DCAF5: variants seen among roughly 807,000 people sequenced by gnomAD.
The protein encoded by DCAF5 is DDB1- and CUL4-associated factor 5.
Under a neutral mutation model 80.7 loss-of-function variants are expected in DCAF5, and 9 were observed. The ratio of observed to expected loss-of-function variants is 0.11; its 90% CI spans 0.07 to 0.19. The LOEUF (loss-of-function observed/expected upper bound fraction) is 0.19, where lower values mean the gene tolerates loss of function less well. Among genes scored for constraint, DCAF5 ranks in the 10% least tolerant of loss-of-function variants. DCAF5 has a pLI of 1.00. For missense variants in DCAF5, 842 were observed against 1,205.7 expected (o/e 0.70, Z 4.47); for synonymous variants, 433 against 461.9 (o/e 0.94, Z 0.80).
At chr14:69,123,620 C>T (rs970671482) in intron 1 of DCAF5, among the ~76,000 whole-genome samples, 1 of 152,180 alleles carries the variant, frequency 6.6e-6, no homozygotes, top group Non-Finnish European at 1.5e-5. Context: ...CCATTATTCA[C>T]CTTCAGAAAT....
In DCAF5 at chr14:69,119,291, A is replaced by G. The variant is rs1206661973; in HGVS notation, c.359-61T>C. ...GCAAGGTGGTCCCTGTCCACATTAC[A>G]ATTTAGTATTTTTAAGTTTTCAGGG... is the stretch of plus-strand genomic sequence containing the variant. On this transcript the variant is annotated intron_variant, in intron 2 of 8. Transcript: ENST00000341516. The G allele has an allele frequency of 5.1e-6, 8 of 1,556,896 alleles. No individual in the cohort carries two copies. In the Admixed American group the frequency reaches 1.6e-4, roughly 31 times the overall value.
intron 2 of DCAF5, among the ~76,000 whole-genome samples, chr14:69,121,595 A>C (rs1439386622): frequency 7.2e-5 from 11 of 152,236 alleles, no homozygotes; most frequent in Admixed American, 1.3e-4. Context: ...GGGAGGACTA[A>C]TGATCTTGGT....
intron 7 of DCAF5, among the ~76,000 whole-genome samples, chr14:69,068,413 C>G (rs1202566689): frequency 6.6e-6 from 1 of 152,046 alleles, no homozygotes; most frequent in Non-Finnish European, 1.5e-5. Flanking sequence ...GAGTTTACTG[C>G]AAGGGCCAGA....
intron 7 of DCAF5, among the ~76,000 whole-genome samples, chr14:69,066,888 T>C (rs1369552635): frequency 6.6e-6 from 1 of 152,258 alleles, no homozygotes; most frequent in Non-Finnish European, 1.5e-5. Flanking sequence ...ATTTGCTTCA[T>C]GAAGTCCTCC....
At chr14:69,062,354 C>T in intron 8 of DCAF5, 30 bp downstream of exon 8, 2 of 1,606,714 alleles carry the variant, frequency 1.2e-6, no homozygotes, top group Non-Finnish European at 1.7e-6. Flanking sequence ...GAGAATTTCT[C>T]TAAAAGGACA....
In DCAF5 at chr14:69,141,401, C is replaced by T. The variant is rs185967980; in HGVS notation, c.214+11364G>A. Among the ~76,000 whole-genome samples the T allele has an allele frequency of 4.3e-3, 660 of 151,956 alleles. 5 individuals are homozygous for T. The highest frequency in any genetic ancestry group is 0.028 in the South Asian group (135 of 4,812). On this transcript the variant is annotated intron_variant, in intron 1 of 8. Transcript: ENST00000341516. ...TAAGTTCTAGGGTACATGTGCACAACGTGCAGGTTTGTTACATATGTATAC... is the reference window on the plus strand; with the variant it reads ...TAAGTTCTAGGGTACATGTGCACAATGTGCAGGTTTGTTACATATGTATAC...
At chr14:69,139,251 C>T (rs1281895248) in intron 1 of DCAF5, among the ~76,000 whole-genome samples, 1 of 151,646 alleles carries the variant, frequency 6.6e-6, no homozygotes. Flanking sequence ...CTTTGGGAGG[C>T]AGGGTGGGAA....
chr14:69,053,516 C>T lies in DCAF5; in HGVS notation c.*341G>A, dbSNP rs143936824. 1 of 222,426 alleles carries T rather than the reference C, an allele frequency of 4.5e-6. No homozygotes were observed. Among genetic ancestry groups the T allele is most frequent in the African/African-American group, 2.3e-5 (1 of 43,188 alleles). The allele number at this position is 222,426 out of a possible 1,614,324, so 13.8% of individuals were successfully genotyped here. The stretch of plus-strand genomic sequence containing the variant: ...GGAAGGTCTTATGAGACAATAAGCG[C>T]ACACGTGCCATTGTGCGTACACAAG... On this transcript the variant is annotated 3_prime_UTR_variant, in exon 9 of 9. Coordinates refer to ENST00000341516, the MANE Select transcript of DCAF5 (RefSeq NM_003861.3).
Position 69,055,068 on chromosome 14 carries a change from C to A in DCAF5, c.1618G>T (p.Val540Leu). 6.2e-7 allele frequency: 1 copy of A among 1,614,216 alleles called. No homozygotes were observed. The highest frequency in any genetic ancestry group is 8.5e-7 in the Non-Finnish European group (1 of 1,180,038). Residue 540 changes from valine (V) to leucine (L), a missense_variant, in exon 9 of 9, where the codon GTG (valine) becomes TTG (leucine). Physicochemically the swap from Val to Leu is conservative, Grantham distance 32. Coordinates refer to ENST00000341516, the MANE Select transcript of DCAF5 (RefSeq NM_003861.3). The surrounding 1 kb of genome is among the most constrained non-coding windows in gnomAD (Gnocchi z 5.6). ...ESDSEENVCE[V>L]ELDTDLFPRP... ...GGAAAGAGATCTGTGTCTAGTTCCACCTCACAGACATTCTCCTCAGAATCG... is the reference window on the plus strand; with the variant it reads ...GGAAAGAGATCTGTGTCTAGTTCCAACTCACAGACATTCTCCTCAGAATCG...
chr14:69,130,408 T>C (rs1321174075), intron 1 of DCAF5, among the ~76,000 whole-genome samples: 1 of 152,186 alleles, frequency 6.6e-6, no homozygotes, highest in Non-Finnish European at 1.5e-5. Flanking sequence ...AGAATGGCAG[T>C]GGCCAGGGGC....
rs1288135395 is a variant in DCAF5, at chr14:69,153,118, G to GT, written c.-141dup. On this transcript the variant is annotated 5_prime_UTR_variant, in exon 1 of 9. Transcript: ENST00000341516. ...CCAGCCATGGCAGGCAGAGCGAGGT[G>GT]TGCAGACACTCGGCGGCGTTCGCGG... 1 of 599,496 alleles carries GT rather than the reference G, an allele frequency of 1.7e-6. No homozygotes were observed. Among genetic ancestry groups the GT allele is most frequent in the Admixed American group, 4.3e-5 (1 of 23,074 alleles). 37.1% of individuals were successfully genotyped at this position (599,496 alleles called of 1,614,324 possible).
At chr14:69,091,973 A>G in intron 5 of DCAF5, 86 bp from the exon 6 acceptor site, 4 of 1,100,210 alleles carry the variant, frequency 3.6e-6, no homozygotes, top group Non-Finnish European at 5.3e-6. Flanking sequence ...ACCTCCTGTC[A>G]AGCTTGCATA....
chr14:69,079,730 A>G (rs763794619), intron 6 of DCAF5, among the ~76,000 whole-genome samples: 2 of 152,192 alleles, frequency 1.3e-5, no homozygotes, highest in Non-Finnish European at 2.9e-5. Context: ...AGTTGATCAA[A>G]AGAGACCCTG....
intron 1 of DCAF5, among the ~76,000 whole-genome samples, chr14:69,142,439 A>C (rs1037360173): frequency 1.3e-5 from 2 of 152,326 alleles, no homozygotes; most frequent in Non-Finnish European, 2.9e-5. Context: ...CTTTTTACCC[A>C]TTCAGTGAAT....
chr14:69,097,639 T>C (rs1266594111), intron 5 of DCAF5, among the ~76,000 whole-genome samples: 1 of 148,784 alleles, frequency 6.7e-6, no homozygotes, highest in Admixed American at 6.8e-5. Flanking sequence ...CAGGCTGGAG[T>C]GCAGTGGTGC....
At chr14:69,100,886 A>T (rs1170021635) in intron 5 of DCAF5, among the ~76,000 whole-genome samples, 2 of 152,214 alleles carry the variant, frequency 1.3e-5, no homozygotes, top group African/African-American at 4.8e-5. Context: ...TCAAACCTGG[A>T]ATTACAAAAT....
intron 1 of DCAF5, among the ~76,000 whole-genome samples, chr14:69,128,031 G>T (rs1260891955): frequency 6.6e-6 from 1 of 152,042 alleles, no homozygotes; most frequent in African/African-American, 2.4e-5. Flanking sequence ...TTATCAATTA[G>T]AGGTGCATAC....
chr14:69,097,885 G>A (rs907679046), intron 5 of DCAF5, among the ~76,000 whole-genome samples: 6 of 151,982 alleles, frequency 3.9e-5, no homozygotes, highest in South Asian at 4.2e-4. Context: ...CACCATGCCC[G>A]GCCACCCACT....
At chr14:69,058,938 G>A (rs147613793) in intron 8 of DCAF5, among the ~76,000 whole-genome samples, 41 of 151,634 alleles carry the variant, frequency 2.7e-4, no homozygotes, top group African/African-American at 9.4e-4. Flanking sequence ...GAGACAAGAC[G>A]AGAGATGAGA....
Sources: gnomAD v4.1 joint callset for allele counts (sites outside exome capture counted in the v4.1 genomes callset) on GRCh38, gnomAD v4.1.1 for gene constraint, Gnocchi (gnomAD v3.1) non-coding constraint, MANE v1.5 for transcripts, NCBI Gene and HGNC (gene_info 2026-07-23, HGNC 2026-07-21) for gene names.